B3GNT2: variants seen among roughly 807,000 people sequenced by gnomAD.
B3GNT2 encodes N-acetyllactosaminide beta-1,3-N-acetylglucosaminyltransferase 2.
In B3GNT2, 12 loss-of-function variants were observed where a neutral mutation model predicts 27.6. The ratio of observed to expected loss-of-function variants is 0.44; its 90% CI spans 0.28 to 0.71. The LOEUF is 0.71. Among genes scored for constraint, B3GNT2 ranks in the 30% least tolerant of loss-of-function variants. B3GNT2 has a pLI of 0.17. For missense variants in B3GNT2, 413 were observed against 488.5 expected (o/e 0.85, Z 1.46); for synonymous variants, 192 against 189.7 (o/e 1.01, Z -0.10).
chr2:62,197,049 CTGTT>C (rs1674160836), intron 1 of B3GNT2, among the ~76,000 whole-genome samples: 1 of 148,662 alleles, frequency 6.7e-6, no homozygotes, highest in African/African-American at 2.5e-5. Context: ...ATATTCCACA[CTGTT>C]TGCGTTGAAT....
Position 62,222,701 on chromosome 2 carries a change from A to G in B3GNT2, c.481A>G (p.Ile161Val), listed in dbSNP as rs1674741056. The G allele has an allele frequency of 2.5e-6, 4 of 1,614,076 alleles. No homozygotes were observed. The highest frequency in any genetic ancestry group is 2.5e-6 in the Non-Finnish European group (3 of 1,180,040). Residue 161 changes from isoleucine to valine, a missense_variant, in exon 2 of 2, where the codon ATC becomes GTC. By Grantham distance (29) the Ile-to-Val change is conservative. Transcript: ENST00000301998. The surrounding 1 kb of genome is among the most constrained non-coding windows in gnomAD (Gnocchi z 4.2). ...LTPHFARRQA[I>V]RESWGQESNA... The stretch of plus-strand genomic sequence containing the variant: ...TCCACATTTTGCCAGAAGGCAAGCA[A>G]TCCGGGAATCCTGGGGCCAAGAAAG...
At chr2:62,218,110 G>GGGGAC (rs1674610169) in intron 1 of B3GNT2, among the ~76,000 whole-genome samples, 2 of 152,228 alleles carry the variant, frequency 1.3e-5, no homozygotes, top group Non-Finnish European at 2.9e-5. Context: ...ACTTCCTGCT[G>GGGGAC]AAGAAAGGAC....
At position 62,199,801 on chromosome 2, in the gene B3GNT2, C is replaced by A. The variant is rs562114953; in HGVS notation, c.-10+3446C>A. On this transcript the variant is annotated intron_variant, in intron 1 of 1. Coordinates refer to ENST00000301998, the MANE Select transcript of B3GNT2 (RefSeq NM_006577.6). ...CTCTAAGGTGGGATTGCTGTTCCTACGTACTTGCCAAATATGTCTGCAAAT... is the reference window on the plus strand; with the variant it reads ...CTCTAAGGTGGGATTGCTGTTCCTAAGTACTTGCCAAATATGTCTGCAAAT... 2.6e-5 allele frequency among the ~76,000 whole-genome samples: 4 copies of A among 152,346 alleles called. No individual in the cohort carries two copies. In the East Asian group the frequency reaches 5.8e-4, roughly 22 times the overall value.
intron 1 of B3GNT2, among the ~76,000 whole-genome samples, chr2:62,210,497 G>A (rs932155548): frequency 2.0e-5 from 3 of 151,960 alleles, no homozygotes; most frequent in Admixed American, 6.6e-5. Context: ...GGCCGGGTGC[G>A]GTGGCTCAGA....
chr2:62,198,797 G>T (rs774862161), intron 1 of B3GNT2, among the ~76,000 whole-genome samples: 4 of 151,816 alleles, frequency 2.6e-5, no homozygotes, highest in African/African-American at 4.8e-5. Context: ...CAGATATGTG[G>T]TTTTTTTTAA....
chr2:62,223,089 AC>A lies in B3GNT2; in HGVS notation c.870del (p.Tyr290Ter). The A allele has an allele frequency of 6.2e-7, 1 of 1,614,228 alleles. No individual in the cohort carries two copies. The highest frequency in any genetic ancestry group is 8.5e-7 in the Non-Finnish European group (1 of 1,180,044). On this transcript the variant is annotated frameshift_variant, in exon 2 of 2. Transcript: ENST00000301998. LOFTEE classifies it high-confidence loss of function. ...GPHRDKKLKY[Y>X]IPEVVYSGLY... Reference sequence around the variant, plus strand: ...CATCGGGATAAGAAGCTGAAGTACTACATCCCAGAAGTTGTTTACTCTGGCC... The same window carrying A: ...CATCGGGATAAGAAGCTGAAGTACTAATCCCAGAAGTTGTTTACTCTGGCC...
intron 1 of B3GNT2, among the ~76,000 whole-genome samples, chr2:62,202,947 G>A (rs539592599): frequency 3.0e-4 from 45 of 152,168 alleles, no homozygotes; most frequent in Admixed American, 6.5e-4. Flanking sequence ...TGCTCCCCCT[G>A]CCTGGAACTA....
chr2:62,220,123 CT>C (rs1674661380), intron 1 of B3GNT2, among the ~76,000 whole-genome samples: 1 of 152,354 alleles, frequency 6.6e-6, no homozygotes, highest in African/African-American at 2.4e-5. Flanking sequence ...ATCTTGTGAC[CT>C]TTCATTAGCC....
At chr2:62,221,726 C>A in intron 1 of B3GNT2, 1 of 423,006 alleles carries the variant, frequency 2.4e-6, no homozygotes, top group East Asian at 6.8e-5. Context: ...ATGCGTCACA[C>A]ATGTAAATAG....
At chr2:62,201,512 A>G (rs950029186) in intron 1 of B3GNT2, among the ~76,000 whole-genome samples, 1 of 152,262 alleles carries the variant, frequency 6.6e-6, no homozygotes, top group Non-Finnish European at 1.5e-5. Flanking sequence ...GCTTCAGACA[A>G]GCCACTTAAA....
chr2:62,204,773 CTT>C lies in B3GNT2; in HGVS notation c.-10+8421_-10+8422del, dbSNP rs375632925. Among the ~76,000 whole-genome samples the C allele has an allele frequency of 2.0e-4, 30 of 152,190 alleles. No homozygotes were observed. The East Asian group carries it at 5.2e-3, about 26-fold the overall frequency. ...CTGAATGTTTCTCTTTTTTAAAAAA[CTT>C]TTATTCTTCAAAGTTCTGATGGATC... On this transcript the variant is annotated intron_variant, in intron 1 of 1. Transcript: ENST00000301998.
rs146248788 is a variant in B3GNT2 at position 62,222,921 on chromosome 2, C to T, written c.701C>T (p.Ser234Phe). The T allele has an allele frequency of 3.1e-6, 5 of 1,614,184 alleles. 1 individual carries two copies. The East Asian group carries it at 1.1e-4, about 36-fold the overall frequency. The change falls in exon 2 of 2, where the codon TCC becomes TTC. Residue 234 changes from serine to phenylalanine, a missense_variant. By Grantham distance (155) the Ser-to-Phe change is radical. Transcript: ENST00000301998. The surrounding 1 kb of genome is among the most constrained non-coding windows in gnomAD (Gnocchi z 4.2). ...EVLFLRWVST[S>F]CPDTEFVFKG... ...CTGTTTCTCAGGTGGGTAAGTACTT[C>T]CTGCCCAGACACTGAGTTTGTTTTC... is the stretch of plus-strand genomic sequence containing the variant.
chr2:62,196,419 C>T (rs894214387), intron 1 of B3GNT2, 64 bp downstream of exon 1: 6 of 152,794 alleles, frequency 3.9e-5, no homozygotes, highest in East Asian at 1.9e-4. Context: ...CCGCCAGGCC[C>T]CTCTACCAGT....
intron 1 of B3GNT2, among the ~76,000 whole-genome samples, chr2:62,219,312 A>T (rs1573271056): frequency 6.6e-6 from 1 of 152,142 alleles, no homozygotes; most frequent in Non-Finnish European, 1.5e-5. Flanking sequence ...TAAGCTGTTC[A>T]TAGTATGTGC....
At chr2:62,199,867 T>G (rs982914240) in intron 1 of B3GNT2, among the ~76,000 whole-genome samples, 4 of 152,220 alleles carry the variant, frequency 2.6e-5, no homozygotes, top group African/African-American at 9.6e-5. Flanking sequence ...AGGCAATTAC[T>G]GTTTGAATAA....
At chr2:62,218,298 G>C (rs1056570468) in intron 1 of B3GNT2, among the ~76,000 whole-genome samples, 1 of 152,236 alleles carries the variant, frequency 6.6e-6, no homozygotes, top group African/African-American at 2.4e-5. Context: ...CAGGTCACAA[G>C]TGCACGATGA....
At chr2:62,200,285 TAAAAA>T (rs35821081) in intron 1 of B3GNT2, among the ~76,000 whole-genome samples, 3 of 151,896 alleles carry the variant, frequency 2.0e-5, no homozygotes, top group East Asian at 1.9e-4. Flanking sequence ...ATCTATAACT[TAAAAA>T]AAACAAAAAC....
chr2:62,213,398 G>T (rs554097411), intron 1 of B3GNT2, among the ~76,000 whole-genome samples: 1 of 152,304 alleles, frequency 6.6e-6, no homozygotes, highest in East Asian at 1.9e-4. Context: ...GACTGTCATG[G>T]CCTTGTAGGT....
Position 62,222,582 on chromosome 2 carries a change from T to G in B3GNT2, c.362T>G (p.Leu121Arg). 2.5e-6 allele frequency: 4 copies of G among 1,614,206 alleles called. No homozygotes were observed. Among genetic ancestry groups the G allele is most frequent in the Non-Finnish European group, 3.4e-6 (4 of 1,180,046 alleles). Residue 121 changes from leucine to arginine, a missense_variant, in exon 2 of 2, where the codon CTG becomes CGG. By Grantham distance (102) the Leu-to-Arg change is moderately radical. Transcript: ENST00000301998. This position sits in a 1 kb window ranked among gnomAD's most constrained non-coding sequence, Gnocchi z 4.2. ...NLPDRFKDFL[L>R]YLRCRNYSLL... ...CCGGACAGATTTAAAGACTTTCTGC[T>G]GTATTTGAGATGCCGCAATTATTCA...
Sources: allele counts gnomAD v4.1 joint callset (sites outside exome capture counted in the v4.1 genomes callset), GRCh38; gene constraint gnomAD v4.1.1; non-coding constraint Gnocchi (gnomAD v3.1); transcripts MANE v1.5; gene names NCBI Gene and HGNC (gene_info 2026-07-23, HGNC 2026-07-21).